The following CSMD1 variants were observed in gnomAD, a reference collection of about 807,000 sequenced individuals.
CSMD1 encodes the protein CUB and Sushi multiple domains 1.
CSMD1 carries 213 observed loss-of-function variants against 417.5 expected under a neutral mutation model. The observed-to-expected ratio is 0.51, with a 90% CI of 0.46 to 0.57. The LOEUF (loss-of-function observed/expected upper bound fraction) is 0.57. Among genes scored for constraint, CSMD1 ranks in the 20% least tolerant of loss-of-function variants. The pLI is 0.00. For synonymous variants in CSMD1, 2,862 were observed against 1,736.8 expected (o/e 1.65, Z -16.11); for missense variants, 6,923 against 4,529.7 (o/e 1.53, Z -15.17).
intron 1 of CSMD1, among the ~76,000 whole-genome samples, chr8:4,927,600 A>G (rs149311326): frequency 1.3e-5 from 2 of 152,154 alleles, no homozygotes; most frequent in East Asian, 3.9e-4. Context: ...GAGGTTCTTC[A>G]TGGCATCCTA....
intron 55 of CSMD1, among the ~76,000 whole-genome samples, chr8:2,977,090 C>T (rs1223820421): frequency 6.6e-6 from 1 of 151,632 alleles, no homozygotes. Context: ...GATTTAATAA[C>T]AACTTTATTC....
intron 1 of CSMD1, among the ~76,000 whole-genome samples, chr8:4,897,875 A>G (rs1804607709): frequency 6.6e-6 from 1 of 152,138 alleles, no homozygotes; most frequent in Non-Finnish European, 1.5e-5. Context: ...TGTAGTCTCT[A>G]CATTACATCG....
intron 31 of CSMD1, among the ~76,000 whole-genome samples, chr8:3,204,592 A>G (rs117875897): frequency 6.6e-6 from 1 of 152,284 alleles, no homozygotes; most frequent in Non-Finnish European, 1.5e-5. Flanking sequence ...CCCGGGAATC[A>G]TGACACAATA....
intron 41 of CSMD1, among the ~76,000 whole-genome samples, chr8:3,137,947 G>A (rs962158133): frequency 9.2e-5 from 14 of 152,202 alleles, no homozygotes; most frequent in African/African-American, 3.1e-4. Flanking sequence ...TATCCCGGCT[G>A]GGCGCAGTGG....
At chr8:4,587,057 A>T (rs1799737211) in intron 2 of CSMD1, among the ~76,000 whole-genome samples, 1 of 152,222 alleles carries the variant, frequency 6.6e-6, no homozygotes, top group Non-Finnish European at 1.5e-5. Context: ...CATCTCTTTT[A>T]ATCCATGAAA....
intron 3 of CSMD1, among the ~76,000 whole-genome samples, chr8:4,091,389 G>C (rs1256043276): frequency 6.6e-6 from 1 of 152,130 alleles, no homozygotes; most frequent in Non-Finnish European, 1.5e-5. Flanking sequence ...TAAAACAAAT[G>C]AATTTTAATG....
intron 1 of CSMD1, among the ~76,000 whole-genome samples, chr8:4,714,788 T>G (rs565206318): frequency 6.6e-6 from 1 of 152,194 alleles, no homozygotes; most frequent in African/African-American, 2.4e-5. Flanking sequence ...TAGGAAAAAT[T>G]TGGGATTAAA....
intron 7 of CSMD1, among the ~76,000 whole-genome samples, chr8:3,688,271 C>A (rs1159228247): frequency 6.6e-6 from 1 of 152,110 alleles, no homozygotes; most frequent in African/African-American, 2.4e-5. Flanking sequence ...TGTCTCTTTT[C>A]TTTTGAAACG....
intron 3 of CSMD1, among the ~76,000 whole-genome samples, chr8:4,041,809 C>T (rs528133449): frequency 6.6e-6 from 1 of 151,544 alleles, no homozygotes; most frequent in East Asian, 1.9e-4. Flanking sequence ...ACAAACATAC[C>T]CACAAAAAAA....
chr8:3,273,415 A>C (rs369605990), intron 26 of CSMD1, among the ~76,000 whole-genome samples: 1 of 152,076 alleles, frequency 6.6e-6, no homozygotes, highest in Non-Finnish European at 1.5e-5. Flanking sequence ...TGTCTCTGCC[A>C]GGCTTTGGTA....
Position 4,979,538 on chromosome 8 carries a change from G to A in CSMD1, c.85+14794C>T, listed in dbSNP as rs146073490. Among the ~76,000 whole-genome samples the A allele has an allele frequency of 1.8e-4, 27 of 148,898 alleles. 1 individual carries two copies. In the East Asian group the frequency reaches 5.0e-3, roughly 28 times the overall value. ...ATAAGATACTCACTGTCTACCTAAA[G>A]AAGGAGCTAGTTTTCACTTTTTTGA... On this transcript the variant is annotated intron_variant, in intron 1 of 69. Coordinates refer to ENST00000635120, the MANE Select transcript of CSMD1 (RefSeq NM_033225.6).
chr8:4,430,038 A>T (rs1797783872), intron 2 of CSMD1, among the ~76,000 whole-genome samples: 1 of 152,196 alleles, frequency 6.6e-6, no homozygotes, highest in Non-Finnish European at 1.5e-5. Flanking sequence ...CGACTGCCTG[A>T]GTTTTCAGAA....
chr8:4,290,913 A>C (rs1364948535), intron 3 of CSMD1, among the ~76,000 whole-genome samples: 2 of 152,210 alleles, frequency 1.3e-5, no homozygotes, highest in Non-Finnish European at 2.9e-5. Context: ...CCGCCAGTTC[A>C]CAACTTCAAC....
At chr8:3,079,357 C>T (rs899138559) in intron 49 of CSMD1, among the ~76,000 whole-genome samples, 1 of 152,134 alleles carries the variant, frequency 6.6e-6, no homozygotes, top group Admixed American at 6.5e-5. Flanking sequence ...ACATACATAT[C>T]ATAGCATGTG....
chr8:3,741,120 A>C (rs1796778978), intron 6 of CSMD1, among the ~76,000 whole-genome samples: 1 of 151,340 alleles, frequency 6.6e-6, no homozygotes, highest in Non-Finnish European at 1.5e-5. Flanking sequence ...AGTTTGAGGC[A>C]AGAGAATCAC....
At chr8:3,162,030 T>C in intron 38 of CSMD1, 129 bp downstream of exon 38, 1 of 617,206 alleles carries the variant, frequency 1.6e-6, no homozygotes, top group Admixed American at 2.7e-5. Context: ...ATGCATGATT[T>C]AATATGAATA....
At chr8:4,935,572 A>T (rs1399074856) in intron 1 of CSMD1, among the ~76,000 whole-genome samples, 2 of 152,148 alleles carry the variant, frequency 1.3e-5, no homozygotes, top group African/African-American at 4.8e-5. Flanking sequence ...GAATTTCAAT[A>T]TTTTCAGCAA....
intron 5 of CSMD1, among the ~76,000 whole-genome samples, chr8:3,841,286 A>C (rs1413038372): frequency 6.6e-6 from 1 of 152,198 alleles, no homozygotes; most frequent in African/African-American, 2.4e-5. Context: ...CTATCTTTAA[A>C]ACTAAATTAA....
chr8:3,895,980 C>T (rs1807332695), intron 5 of CSMD1, among the ~76,000 whole-genome samples: 1 of 152,184 alleles, frequency 6.6e-6, no homozygotes, highest in African/African-American at 2.4e-5. Context: ...TTAACCTCCC[C>T]TATTACTGTA....
Sources: allele counts gnomAD v4.1 joint callset (sites outside exome capture counted in the v4.1 genomes callset), GRCh38; gene constraint gnomAD v4.1.1; transcripts MANE v1.5; gene names NCBI Gene and HGNC (gene_info 2026-07-23, HGNC 2026-07-21).